TEX15: variants seen among roughly 807,000 people sequenced by gnomAD.
TEX15 encodes the protein testis expressed 15, meiosis and synapsis associated.
TEX15 carries 171 observed loss-of-function variants against 237.3 expected under a neutral mutation model. That is an observed-to-expected ratio of 0.72 (90% confidence interval 0.64 to 0.82). The LOEUF (loss-of-function observed/expected upper bound fraction) is 0.82, where lower values mean the gene tolerates loss of function less well. Among genes scored for constraint, TEX15 ranks in the 40% least tolerant of loss-of-function variants. TEX15 has a pLI of 0.00. For synonymous variants in TEX15, 1,338 were observed against 1,269.8 expected, an observed-to-expected ratio of 1.05 and a Z score of -1.14; for missense variants, 3,750 against 3,646.5, an observed-to-expected ratio of 1.03 and a Z score of -0.73.
At chr8:30,874,794 G>A (rs1302883593) in intron 4 of TEX15, 143 bp downstream of exon 4, 3 of 475,478 alleles carry the variant, frequency 6.3e-6, no homozygotes, top group Non-Finnish European at 1.0e-5. Flanking sequence ...TGTTACAAAA[G>A]ACTATGAGAA....
At chr8:30,840,673 C>T (rs939168310) in intron 8 of TEX15, among the ~76,000 whole-genome samples, 1 of 152,124 alleles carries the variant, frequency 6.6e-6, no homozygotes, top group Non-Finnish European at 1.5e-5. Context: ...GTATTGTATA[C>T]AGTACTACTA....
intron 1 of TEX15, among the ~76,000 whole-genome samples, chr8:30,907,526 C>G (rs192479482): frequency 1.0e-5 from 1 of 98,686 alleles, no homozygotes; most frequent in Non-Finnish European, 1.9e-5. Flanking sequence ...AATGTATATA[C>G]AAATTATATA....
rs113094352 is a variant in TEX15, at chr8:30,904,029, T to C, written c.-85-5212A>G. Among the ~76,000 whole-genome samples the C allele has an allele frequency of 8.5e-5, 13 of 152,052 alleles. 1 individual carries two copies. Among genetic ancestry groups the C allele is most frequent in the Middle Eastern group, 3.4e-3 (1 of 294 alleles). ...ACAGGGATTAGTTACTAATCTATTA[T>C]GGTTATGAGGCTTTTTAAAAGACAT... On this transcript the variant is annotated intron_variant, in intron 1 of 10. Coordinates refer to ENST00000643185, the MANE Select transcript of TEX15 (RefSeq NM_001350162.2).
chr8:30,887,878 CATATATATTTCATAT>C (rs1563271528), intron 2 of TEX15: 2 of 128,310 alleles, frequency 1.6e-5, no homozygotes, highest in East Asian at 2.4e-4. Context: ...ATATATTTCA[CATATATATTTCATAT>C]ATATATATAT....
chr8:30,845,613 C>G lies in TEX15; in HGVS notation c.4554G>C (p.Gln1518His). Residue 1518 changes from glutamine (Q) to histidine (H), a missense_variant, in exon 8 of 11, where the codon CAG becomes CAC. By Grantham distance (24) the Gln-to-His change is conservative (BLOSUM62 0). Coordinates refer to ENST00000643185, the MANE Select transcript of TEX15 (RefSeq NM_001350162.2). ...EFCNQEHPESQLPVSSTSQST... is the reference protein window; with the variant it reads ...EFCNQEHPESHLPVSSTSQST... ...TTTGGGATGTGGAGGATACAGGCAA[C>G]TGTGATTCAGGATGTTCTTGATTAC... 1 of 1,613,606 alleles carries G rather than the reference C, an allele frequency of 6.2e-7. No individual in the cohort carries two copies. The highest frequency in any genetic ancestry group is 8.5e-7 in the Non-Finnish European group (1 of 1,179,624).
intron 7 of TEX15, among the ~76,000 whole-genome samples, chr8:30,851,771 T>C (rs577630970): frequency 8.5e-5 from 13 of 152,158 alleles, no homozygotes; most frequent in Admixed American, 7.8e-4. Flanking sequence ...ACCCTGTCTG[T>C]ACTAAAAATA....
At chr8:30,891,947 TCCC>T (rs953426858) in intron 2 of TEX15, among the ~76,000 whole-genome samples, 2 of 152,186 alleles carry the variant, frequency 1.3e-5, no homozygotes, top group Non-Finnish European at 2.9e-5. Flanking sequence ...TGCAAGTAAT[TCCC>T]CCCACTTTTA....
intron 3 of TEX15, among the ~76,000 whole-genome samples, chr8:30,877,469 T>A (rs1388648035): frequency 6.6e-6 from 1 of 152,136 alleles, no homozygotes; most frequent in Non-Finnish European, 1.5e-5. Context: ...TAAAACACTA[T>A]AACCAGCTGA....
At position 30,882,467 on chromosome 8, in the gene TEX15, T is replaced by C. The variant is rs373400419; in HGVS notation, c.136+4700A>G. ...ATGCCCGGCTATTTTTTTGTATTTT[T>C]AGTAGAGACAGGGTTTCACCGTGTA... On this transcript the variant is annotated intron_variant, in intron 3 of 10. Coordinates refer to ENST00000643185, the MANE Select transcript of TEX15 (RefSeq NM_001350162.2). Among the ~76,000 whole-genome samples, 744 of 152,224 alleles carry C rather than the reference T, an allele frequency of 4.9e-3. 3 individuals carry two copies. The highest frequency in any genetic ancestry group is 8.5e-3 in the Non-Finnish European group (575 of 67,992).
intron 5 of TEX15, among the ~76,000 whole-genome samples, chr8:30,863,085 A>T (rs913686966): frequency 1.3e-5 from 2 of 152,174 alleles, no homozygotes; most frequent in Admixed American, 6.5e-5. Context: ...TGAATAGCAT[A>T]CAGGTTGAAT....
At position 30,881,610 on chromosome 8, in the gene TEX15, C is replaced by CTTTTTTTTTTTTTTTTTTT. The variant is rs1164594718; in HGVS notation, c.136+5556_136+5557insAAAAAAAAAAAAAAAAAAA. ...TTCATTAATTATCCTTCCATCTTGA[C>CTTTTTTTTTTTTTTTTTTT]TTTTTATTTTTTTTTATTATTTTTT... On this transcript the variant is annotated intron_variant, in intron 3 of 10. Transcript: ENST00000643185. Among the ~76,000 whole-genome samples the CTTTTTTTTTTTTTTTTTTT allele has an allele frequency of 9.1e-5, 10 of 109,460 alleles. 2 individuals carry two copies. Among genetic ancestry groups the CTTTTTTTTTTTTTTTTTTT allele is most frequent in the African/African-American group, 4.5e-4 (7 of 15,420 alleles). The allele number at this position is 109,460 out of a possible 152,430, so 71.8% of individuals were successfully genotyped here. A position where few individuals can be genotyped will look rare whatever the true frequency, so the allele number is the denominator to read the frequency against.
chr8:30,836,861 T>C lies in TEX15; in HGVS notation c.9423A>G (p.Gln3141=), dbSNP rs937086867. Residue 3141 remains glutamine (Q), a synonymous_variant, in exon 10 of 11, where the codon CAA becomes CAG. Coordinates refer to ENST00000643185, the MANE Select transcript of TEX15 (RefSeq NM_001350162.2). ...GATTAGGAAGGTAAGGGTATGTAGC[T>C]TGTGGTAATGGCTGATGAGAAGCAT... is the stretch of plus-strand genomic sequence containing the variant. ...SQYASHQPLP[Q]ATYPYLPNRF... The C allele has an allele frequency of 1.3e-5, 21 of 1,614,116 alleles. No individual in the cohort carries two copies. The highest frequency in any genetic ancestry group is 1.7e-5 in the Non-Finnish European group (20 of 1,179,992).
rs1808007305 is a variant in TEX15, at chr8:30,859,970, T to C, written c.628A>G (p.Met210Val). ...TTCAAAGAAGGTGCATTTCTTGACA[T>C]ATGGCAATCAAAGTTAGGAGAAGGA... The part of the protein sequence containing the change: ...LDPSPNFDCH[M>V]SRNAPSLKDT... Residue 210 changes from methionine (M) to valine (V), a missense_variant, in exon 6 of 11, where the codon ATG becomes GTG. By Grantham distance (21) the Met-to-Val change is conservative. Coordinates refer to ENST00000643185, the MANE Select transcript of TEX15 (RefSeq NM_001350162.2). 2.6e-6 allele frequency: 4 copies of C among 1,519,718 alleles called. No individual in the cohort carries two copies. The highest frequency in any genetic ancestry group is 1.4e-5 in the African/African-American group (1 of 71,846). 94.1% of individuals were successfully genotyped at this position (1,519,718 alleles called of 1,614,324 possible).
intron 1 of TEX15, among the ~76,000 whole-genome samples, chr8:30,911,014 G>T (rs1223692940): frequency 6.6e-6 from 1 of 152,096 alleles, no homozygotes; most frequent in Admixed American, 6.5e-5. Context: ...CTTTCAAGCA[G>T]CGATGATATA....
intron 2 of TEX15, among the ~76,000 whole-genome samples, chr8:30,892,228 T>C (rs1808808641): frequency 6.6e-6 from 1 of 152,236 alleles, no homozygotes; most frequent in African/African-American, 2.4e-5. Flanking sequence ...ATCGAACTGC[T>C]AGCATTTTTT....
chr8:30,871,638 T>C (rs1447030341), intron 4 of TEX15, among the ~76,000 whole-genome samples: 1 of 152,116 alleles, frequency 6.6e-6, no homozygotes, highest in African/African-American at 2.4e-5. Flanking sequence ...AGTCTACTCA[T>C]TTGGCTACGC....
In TEX15 at chr8:30,860,041, A is replaced by G. The variant is rs1808009414; in HGVS notation, c.557T>C (p.Val186Ala). 10 of 1,480,784 alleles carry G rather than the reference A, an allele frequency of 6.8e-6. No homozygotes were observed. The highest frequency in any genetic ancestry group is 8.9e-6 in the Non-Finnish European group (10 of 1,127,616). The allele number at this position is 1,480,784 out of a possible 1,614,324, so 91.7% of individuals were successfully genotyped here. ...ILIFKVLFGKVKKIQPSVDKN... is the reference protein window; with the variant it reads ...ILIFKVLFGKAKKIQPSVDKN... The stretch of plus-strand genomic sequence containing the variant: ...ATCCACAGAAGGTTGGATTTTCTTC[A>G]CTTTTCCAAAGAGAACCTAAAAAAA... The change falls in exon 6 of 11, where the codon GTG becomes GCG. Residue 186 changes from valine to alanine, a missense_variant. Transcript: ENST00000643185.
At chr8:30,881,372 A>G (rs541025330) in intron 3 of TEX15, among the ~76,000 whole-genome samples, 3 of 152,098 alleles carry the variant, frequency 2.0e-5, no homozygotes, top group Non-Finnish European at 4.4e-5. Context: ...TCTAACCATG[A>G]ATTACATTTA....
At chr8:30,912,316 G>A (rs1264145752) in intron 1 of TEX15, among the ~76,000 whole-genome samples, 2 of 106,142 alleles carry the variant, frequency 1.9e-5, no homozygotes, top group Non-Finnish European at 3.9e-5. Flanking sequence ...CCGAGTTGCG[G>A]TCCCGGGGCG....
Sources: gnomAD v4.1 joint callset for allele counts (sites outside exome capture counted in the v4.1 genomes callset) on GRCh38, gnomAD v4.1.1 for gene constraint, MANE v1.5 for transcripts, NCBI Gene and HGNC (gene_info 2026-07-23, HGNC 2026-07-21) for gene names.